The following AHCYL2 variants were observed in gnomAD, a reference collection of about 807,000 sequenced individuals.
AHCYL2 encodes S-adenosylhomocysteine hydrolase-like protein 2.
In AHCYL2, 28 loss-of-function variants were observed where a neutral mutation model predicts 81.4. That is an observed-to-expected ratio of 0.34 (90% CI 0.25 to 0.47). AHCYL2 has a LOEUF of 0.47. Among genes scored for constraint, AHCYL2 ranks in the 20% least tolerant of loss-of-function variants. AHCYL2 has a pLI of 1.00. For synonymous variants in AHCYL2, 272 were observed against 290.2 expected (o/e 0.94, Z 0.64); for missense variants, 551 against 785.1 (o/e 0.70, Z 3.56).
At chr7:129,250,346 T>C (rs1795207275) in intron 1 of AHCYL2, among the ~76,000 whole-genome samples, 1 of 152,360 alleles carries the variant, frequency 6.6e-6, no homozygotes, top group African/African-American at 2.4e-5. Context: ...TTTGGATATA[T>C]ACCTAAGAGT....
intron 1 of AHCYL2, among the ~76,000 whole-genome samples, chr7:129,290,217 C>T (rs1584748525): frequency 6.6e-6 from 1 of 152,026 alleles, no homozygotes; most frequent in African/African-American, 2.4e-5. Context: ...AAAATAAGAG[C>T]TAGTGGCTGG....
At chr7:129,414,929 T>C (rs1424315198) in intron 12 of AHCYL2, among the ~76,000 whole-genome samples, 1 of 152,182 alleles carries the variant, frequency 6.6e-6, no homozygotes, top group Non-Finnish European at 1.5e-5. Flanking sequence ...TGAGAGCTTA[T>C]TGGATAATAT....
At chr7:129,373,899 A>G (rs1238711801) in intron 1 of AHCYL2, among the ~76,000 whole-genome samples, 1 of 152,228 alleles carries the variant, frequency 6.6e-6, no homozygotes, top group Non-Finnish European at 1.5e-5. Flanking sequence ...AGAGATCAGA[A>G]TTGCTGTGGG....
chr7:129,248,112 T>G (rs953084714), intron 1 of AHCYL2, among the ~76,000 whole-genome samples: 6 of 152,232 alleles, frequency 3.9e-5, no homozygotes, highest in Non-Finnish European at 8.8e-5. Context: ...CCTTTCCTCA[T>G]TGAATTGCTG....
At chr7:129,341,255 T>C (rs1422838767) in intron 1 of AHCYL2, among the ~76,000 whole-genome samples, 2 of 152,194 alleles carry the variant, frequency 1.3e-5, no homozygotes, top group South Asian at 2.1e-4. Flanking sequence ...ATTGAGCTTC[T>C]AGGGGTAGCA....
intron 1 of AHCYL2, among the ~76,000 whole-genome samples, chr7:129,260,148 T>C (rs1433230170): frequency 1.3e-5 from 2 of 152,148 alleles, no homozygotes; most frequent in South Asian, 4.1e-4. Context: ...TTATGCCTGC[T>C]TAGCTTGTGC....
intron 13 of AHCYL2, among the ~76,000 whole-genome samples, chr7:129,423,525 C>T: frequency 6.6e-6 from 1 of 152,114 alleles, no homozygotes; most frequent in East Asian, 1.9e-4. Context: ...ACCACTTTTC[C>T]TTTCTTAAAA....
At chr7:129,355,366 A>C (rs960490105) in intron 1 of AHCYL2, among the ~76,000 whole-genome samples, 2 of 152,188 alleles carry the variant, frequency 1.3e-5, no homozygotes, top group African/African-American at 4.8e-5. Context: ...CATGAGTTAT[A>C]GTGCTGTTAT....
intron 12 of AHCYL2, among the ~76,000 whole-genome samples, chr7:129,415,627 C>G (rs573921484): frequency 1.3e-4 from 20 of 149,764 alleles, no homozygotes; most frequent in African/African-American, 4.7e-4. Flanking sequence ...GTTCAAAACT[C>G]CATCTCAAAA....
At position 129,262,479 on chromosome 7, in the gene AHCYL2, G is replaced by A. The variant is rs973152193; in HGVS notation, c.363+37040G>A. 2.0e-5 allele frequency among the ~76,000 whole-genome samples: 3 copies of A among 152,328 alleles called. No homozygotes were observed. In the East Asian group the frequency reaches 5.8e-4, roughly 29 times the overall value. On this transcript the variant is annotated intron_variant, in intron 1 of 16. Coordinates refer to ENST00000325006, the MANE Select transcript of AHCYL2 (RefSeq NM_015328.4). ...AAAGGTGAAGCAGAGGACATGAAAA[G>A]CCTCACTGCGCATCCTCTGTAGACT...
At chr7:129,386,135 T>C (rs1427634483) in intron 2 of AHCYL2, among the ~76,000 whole-genome samples, 1 of 152,144 alleles carries the variant, frequency 6.6e-6, no homozygotes, top group East Asian at 1.9e-4. Context: ...ACAACTGATA[T>C]TTTTGGTTCT....
At chr7:129,388,377 G>C (rs1284021170) in intron 2 of AHCYL2, 1 of 152,212 alleles carries the variant, frequency 6.6e-6, no homozygotes, top group Non-Finnish European at 1.5e-5. Context: ...GTTGCTAAAT[G>C]GATTAGTTAT....
chr7:129,252,678 G>A (rs538763688), intron 1 of AHCYL2, among the ~76,000 whole-genome samples: 29 of 152,140 alleles, frequency 1.9e-4, no homozygotes, highest in Non-Finnish European at 3.8e-4. Context: ...GAGGTGGGAG[G>A]ATCACTTGAG....
intron 1 of AHCYL2, among the ~76,000 whole-genome samples, chr7:129,243,683 G>A (rs1484690703): frequency 1.3e-5 from 2 of 152,024 alleles, no homozygotes; most frequent in African/African-American, 2.4e-5. Context: ...CTGGGTTCAC[G>A]CCATTCTCCT....
At chr7:129,403,860 C>CAAAAAAAAAAAAAAA (rs34806455) in intron 7 of AHCYL2, among the ~76,000 whole-genome samples, 4 of 80,218 alleles carry the variant, frequency 5.0e-5, no homozygotes, top group African/African-American at 8.0e-5. Context: ...GACTCCATCT[C>CAAAAAAAAAAAAAAA]AAAAAAAAAA....
At chr7:129,299,663 G>T (rs187487627) in intron 1 of AHCYL2, among the ~76,000 whole-genome samples, 723 of 152,220 alleles carry the variant, frequency 4.7e-3, no homozygotes, top group Middle Eastern at 0.014. Context: ...AAAGTGCTGG[G>T]ATTACAGGCA....
intron 1 of AHCYL2, among the ~76,000 whole-genome samples, chr7:129,340,277 A>T (rs1365007262): frequency 9.6e-5 from 14 of 145,870 alleles, no homozygotes; most frequent in Admixed American, 9.5e-4. Flanking sequence ...TAAAAAAAAT[A>T]GTTTTTCAGG....
chr7:129,307,498 G>A (rs935864594), intron 1 of AHCYL2, among the ~76,000 whole-genome samples: 1 of 151,882 alleles, frequency 6.6e-6, no homozygotes, highest in Non-Finnish European at 1.5e-5. Flanking sequence ...ACCCTTCAGG[G>A]CAGTGGGCTC....
intron 5 of AHCYL2, among the ~76,000 whole-genome samples, chr7:129,398,667 C>T (rs1480761043): frequency 6.6e-6 from 1 of 151,920 alleles, no homozygotes; most frequent in Non-Finnish European, 1.5e-5. Context: ...GTGTGAGCCA[C>T]CGCACCCGGC....
Sources: gnomAD v4.1 joint callset for allele counts (sites outside exome capture counted in the v4.1 genomes callset) on GRCh38, gnomAD v4.1.1 for gene constraint, MANE v1.5 for transcripts, NCBI Gene and HGNC (gene_info 2026-07-23, HGNC 2026-07-21) for gene names.